The following ADGRG4 variants were observed in gnomAD, a reference collection of about 807,000 sequenced individuals.
ADGRG4 encodes the protein adhesion G protein-coupled receptor G4.
ADGRG4 carries 122 observed loss-of-function variants against 126.2 expected under a neutral mutation model. The ratio of observed to expected loss-of-function variants is 0.97; its 90% CI spans 0.83 to 1.12. The LOEUF (loss-of-function observed/expected upper bound fraction) is 1.12, where lower values mean the gene tolerates loss of function less well. Among genes scored for constraint, ADGRG4 ranks in the 50% most tolerant of loss-of-function variants. The pLI is 0.00. For missense variants in ADGRG4, 2,481 were observed against 2,251.8 expected (o/e 1.10, Z -2.06); for synonymous variants, 943 against 838.7 (o/e 1.12, Z -2.15).
chrX:136,306,679 C>G lies in ADGRG4; in HGVS notation c.-10+1656C>G, dbSNP rs776154482. On this transcript the variant is annotated intron_variant, in intron 3 of 25. Transcript: ENST00000394143. ...TGCCCCATCCCCTTTCCTCAACCCA[C>G]CTTTTCATGCCTTATATATAGACTT... 7.3e-5 allele frequency among the ~76,000 whole-genome samples: 8 copies of G among 110,143 alleles called. No individual in the cohort carries two copies. In the South Asian group the frequency reaches 3.1e-3, roughly 43 times the overall value.
chrX:136,351,169 G>A (rs2075060304), intron 6 of ADGRG4, among the ~76,000 whole-genome samples: 1 of 111,683 alleles, frequency 9.0e-6, no homozygotes, highest in Non-Finnish European at 1.9e-5. Context: ...GTTGGCCAAT[G>A]AGAGTGGAGA....
At chrX:136,396,610 AAGAGAG>A (rs1193246292) in intron 19 of ADGRG4, among the ~76,000 whole-genome samples, 4 of 101,581 alleles carry the variant, frequency 3.9e-5, no homozygotes, top group Admixed American at 3.2e-4. Flanking sequence ...AAAAAAAAAA[AAGAGAG>A]AGAGAGAGAG....
Position 136,349,972 on chromosome X carries a change from C to T in ADGRG4, c.6266C>T (p.Pro2089Leu), listed in dbSNP as rs1436089481. Reference protein sequence around the residue: ...GITTGFPTSLPMSINVTDDIV... With the variant: ...GITTGFPTSLLMSINVTDDIV... Reference sequence around the variant, plus strand: ...ACTACTGGCTTCCCAACTTCTCTCCCTATGTCTATAAATGTCACAGATGAC... The same window carrying T: ...ACTACTGGCTTCCCAACTTCTCTCCTTATGTCTATAAATGTCACAGATGAC... Residue 2089 changes from proline (P) to leucine (L), a missense_variant, in exon 6 of 26, where the codon CCT becomes CTT. Pro to Leu is a moderately conservative substitution (Grantham distance 98). Transcript: ENST00000394143. The T allele has an allele frequency of 8.3e-7, 1 of 1,210,119 alleles. No individual in the cohort carries two copies. The highest frequency in any genetic ancestry group is 1.1e-6 in the Non-Finnish European group (1 of 894,099).
chrX:136,407,869 G>C (rs1442561381), intron 23 of ADGRG4, among the ~76,000 whole-genome samples: 1 of 111,894 alleles, frequency 8.9e-6, no homozygotes, highest in Non-Finnish European at 1.9e-5. Context: ...GGATAGAACT[G>C]TCTGGCCCAC....
intron 5 of ADGRG4, among the ~76,000 whole-genome samples, chrX:136,339,714 T>C (rs1268425956): frequency 8.9e-6 from 1 of 112,448 alleles, no homozygotes; most frequent in Non-Finnish European, 1.9e-5. Context: ...CTTAGCACCT[T>C]TCATAGTTCT....
chrX:136,326,160 C>T (rs1258580871), intron 5 of ADGRG4, among the ~76,000 whole-genome samples: 1 of 112,650 alleles, frequency 8.9e-6, no homozygotes, highest in Non-Finnish European at 1.9e-5. Context: ...ATTCAGATCT[C>T]TTCAAGTGTT....
chrX:136,378,473 T>G (rs750391088), intron 15 of ADGRG4, among the ~76,000 whole-genome samples: 1 of 111,292 alleles, frequency 9.0e-6, no homozygotes, highest in South Asian at 3.8e-4. Context: ...CTTTATTCCT[T>G]TTATTTCTTT....
chrX:136,392,397 A>G, intron 17 of ADGRG4, 43 bp downstream of exon 17: 1 of 1,048,645 alleles, frequency 9.5e-7, no homozygotes, highest in African/African-American at 1.9e-5. Flanking sequence ...GGCCTCAGGA[A>G]CTCTTCACGA....
chrX:136,412,621 A>C (rs928405282), intron 24 of ADGRG4, among the ~76,000 whole-genome samples: 1 of 112,309 alleles, frequency 8.9e-6, no homozygotes, highest in Admixed American at 9.4e-5. Context: ...TCACTGTCAC[A>C]TCAGTCTCAA....
At chrX:136,398,082 A>G in intron 20 of ADGRG4, 80 bp downstream of exon 20, 1 of 921,718 alleles carries the variant, frequency 1.1e-6, no homozygotes, top group Non-Finnish European at 1.5e-6. Flanking sequence ...TGTTAATTTC[A>G]TGAACACATC....
chrX:136,400,258 C>T (rs891142883), intron 21 of ADGRG4, 142 bp downstream of exon 21: 6 of 486,800 alleles, frequency 1.2e-5, no homozygotes, highest in East Asian at 7.1e-5. Flanking sequence ...TTTTTTTCTG[C>T]CTGTATTGCT....
intron 12 of ADGRG4, among the ~76,000 whole-genome samples, chrX:136,361,818 A>G (rs1052382044): frequency 2.7e-5 from 3 of 112,174 alleles, no homozygotes; most frequent in Admixed American, 9.4e-5. Flanking sequence ...AAATTCAAGA[A>G]GACAAAAGAG....
chrX:136,388,474 C>G, intron 16 of ADGRG4, among the ~76,000 whole-genome samples: 1 of 112,425 alleles, frequency 8.9e-6, no homozygotes, highest in East Asian at 2.8e-4. Context: ...AAGCAAGTTA[C>G]TCAACCTTCA....
chrX:136,410,265 C>A (rs1167007915), intron 23 of ADGRG4, among the ~76,000 whole-genome samples: 2 of 111,413 alleles, frequency 1.8e-5, no homozygotes, highest in African/African-American at 3.3e-5. Context: ...AATCTAGATA[C>A]AATATCCCAA....
Position 136,345,461 on chromosome X carries a change from T to A in ADGRG4, c.1755T>A (p.Thr585=), listed in dbSNP as rs1421310467. ...CTGAAGCTACACGTACAGCCTTAAC[T>A]CCTGAAATCACACTTGCATCTACAG... ...IDAEATRTAL[T]PEITLASTVA... The change falls in exon 6 of 26, where the codon ACT becomes ACA. Residue 585 remains threonine, a synonymous_variant. Transcript: ENST00000394143. 3.3e-6 allele frequency: 4 copies of A among 1,210,769 alleles called. No individual in the cohort carries two copies. The highest frequency in any genetic ancestry group is 4.5e-6 in the Non-Finnish European group (4 of 894,809).
chrX:136,309,367 G>T (rs775462900), intron 4 of ADGRG4, among the ~76,000 whole-genome samples: 76 of 112,170 alleles, frequency 6.8e-4, no homozygotes, highest in African/African-American at 2.3e-3. Context: ...TCTATGACAG[G>T]AATGAAAATA....
In ADGRG4 at chrX:136,357,746, GTACCA is replaced by G; in HGVS notation, c.6974_6978del (p.Pro2325GlnfsTer18). The stretch of plus-strand genomic sequence containing the variant: ...ACAAGAAATGGCTACAATTTCCTAT[GTACCA>G]TACAGGTAGGAAGTAGGAACTGAGT... On this transcript the variant is annotated frameshift_variant, in exon 10 of 26. Transcript: ENST00000394143. LOFTEE classifies it high-confidence loss of function. 1.7e-6 allele frequency: 2 copies of G among 1,163,391 alleles called. No homozygotes were observed. The highest frequency in any genetic ancestry group is 2.3e-6 in the Non-Finnish European group (2 of 854,603).
chrX:136,383,773 C>T (rs2148488269), intron 15 of ADGRG4, among the ~76,000 whole-genome samples: 1 of 110,073 alleles, frequency 9.1e-6, no homozygotes, highest in East Asian at 2.8e-4. Context: ...ATTATAGTTG[C>T]TTTTTAATTG....
rs749096262 is a variant in ADGRG4, at chrX:136,413,092, AT to A, written c.9037+734del. Among the ~76,000 whole-genome samples the A allele has an allele frequency of 1.8e-3, 189 of 106,652 alleles. No individual in the cohort carries two copies. In the East Asian group the frequency reaches 0.019, roughly 11 times the overall value. 92.6% of individuals were successfully genotyped at this position (106,652 alleles called of 115,157 possible). A position where few individuals can be genotyped will look rare whatever the true frequency, so the allele number is the denominator to read the frequency against. On this transcript the variant is annotated intron_variant, in intron 24 of 25. Coordinates refer to ENST00000394143, the MANE Select transcript of ADGRG4 (RefSeq NM_153834.4). ...TTCCAGTATTTTATTTTATTTATTT[AT>A]TTTTTTTATTATACTTTAAGTTTTA...
Sources: gnomAD v4.1 joint callset for allele counts (sites outside exome capture counted in the v4.1 genomes callset) on GRCh38, gnomAD v4.1.1 for gene constraint, MANE v1.5 for transcripts, NCBI Gene and HGNC (gene_info 2026-07-23, HGNC 2026-07-21) for gene names.